Variants in LRRC7 observed in about 807,000 individuals in gnomAD.
LRRC7 encodes the protein leucine-rich repeat-containing protein 7.
A neutral mutation model predicts 175.7 loss-of-function variants in LRRC7; 23 were observed. The ratio of observed to expected loss-of-function variants is 0.13; its 90% CI spans 0.09 to 0.19. The LOEUF (loss-of-function observed/expected upper bound fraction) is 0.19, where lower values mean the gene tolerates loss of function less well. LRRC7 is among the 10% of genes least tolerant of loss of function. The pLI, the probability that LRRC7 is intolerant of heterozygous loss-of-function variation, is 1.00. For missense variants in LRRC7, 1,354 were observed against 1,904.7 expected, an observed-to-expected ratio of 0.71 and a Z score of 5.38; for synonymous variants, 685 against 680.9, an observed-to-expected ratio of 1.01 and a Z score of -0.09.
intron 1 of LRRC7, among the ~76,000 whole-genome samples, chr1:69,603,831 C>T (rs1269796748): frequency 1.3e-5 from 2 of 152,000 alleles, no homozygotes; most frequent in Non-Finnish European, 2.9e-5. Flanking sequence ...ATGTAGATGA[C>T]AAGTTAGGAA....
intron 1 of LRRC7, among the ~76,000 whole-genome samples, chr1:69,637,327 G>C (rs975099709): frequency 6.6e-6 from 1 of 151,862 alleles, no homozygotes; most frequent in Non-Finnish European, 1.5e-5. Context: ...TCCATAAAAA[G>C]TATTATTGTC....
intron 11 of LRRC7, among the ~76,000 whole-genome samples, chr1:70,004,395 A>C (rs747444663): frequency 2.0e-5 from 3 of 152,148 alleles, no homozygotes; most frequent in Admixed American, 6.6e-5. Context: ...AATTAAGTGA[A>C]ATTGATTGTA....
At chr1:69,647,651 T>C (rs1481016812) in intron 1 of LRRC7, among the ~76,000 whole-genome samples, 1 of 152,156 alleles carries the variant, frequency 6.6e-6, no homozygotes, top group Non-Finnish European at 1.5e-5. Context: ...TTTTATTTAC[T>C]TCTGGAAAAA....
intron 1 of LRRC7, among the ~76,000 whole-genome samples, chr1:69,605,205 G>T (rs1017289934): frequency 6.6e-6 from 1 of 152,240 alleles, no homozygotes; most frequent in South Asian, 2.1e-4. Context: ...AGATCTGATG[G>T]TTTTATAAAG....
rs2102248188 is a variant in LRRC7, at chr1:70,122,728, A to G, written c.*841A>G. The stretch of plus-strand genomic sequence containing the variant: ...AGCAGTGGATGATGGGTGGCAGGAA[A>G]GGTATTGCTTTATTTCTTTCAAGTT... On this transcript the variant is annotated 3_prime_UTR_variant, in exon 27 of 27. Transcript: ENST00000651989. The G allele has an allele frequency of 6.6e-6, 1 of 152,302 alleles. No individual in the cohort carries two copies. The highest frequency in any genetic ancestry group is 2.1e-4 in the South Asian group (1 of 4,824). 9.4% of individuals were successfully genotyped at this position (152,302 alleles called of 1,614,324 possible).
chr1:69,600,734 G>C (rs1481334495), intron 1 of LRRC7, among the ~76,000 whole-genome samples: 4 of 147,784 alleles, frequency 2.7e-5, no homozygotes, highest in African/African-American at 1.0e-4. Flanking sequence ...GATACTCCAG[G>C]CTTATCTTGT....
chr1:69,677,787 A>G (rs995453872), intron 1 of LRRC7, among the ~76,000 whole-genome samples: 3 of 152,092 alleles, frequency 2.0e-5, no homozygotes, highest in African/African-American at 7.2e-5. Flanking sequence ...ACAAAATACC[A>G]TAGACTCGGT....
At chr1:70,030,071 C>T (rs1192598199) in intron 18 of LRRC7, among the ~76,000 whole-genome samples, 1 of 117,768 alleles carries the variant, frequency 8.5e-6, no homozygotes, top group Non-Finnish European at 1.9e-5. Flanking sequence ...CCTGTGCATT[C>T]TCACCTAAGT....
rs185119075 is a variant in LRRC7, at chr1:70,113,729, A to G, written c.4620+5903A>G. Reference sequence around the variant, plus strand: ...AATGACATTTTTTGACATATCTTCAAAAAAAAAAAAGAGTTCATGGTCAAC... The same window carrying G: ...AATGACATTTTTTGACATATCTTCAGAAAAAAAAAAGAGTTCATGGTCAAC... On this transcript the variant is annotated intron_variant, in intron 26 of 26. Transcript: ENST00000651989. Among the ~76,000 whole-genome samples, 977 of 113,536 alleles carry G rather than the reference A, an allele frequency of 8.6e-3. 37 individuals carry two copies. The highest frequency in any genetic ancestry group is 0.074 in the Admixed American group (915 of 12,436). 74.5% of individuals were successfully genotyped at this position (113,536 alleles called of 152,430 possible). A position where few individuals can be genotyped will look rare whatever the true frequency, so the allele number is the denominator to read the frequency against.
At chr1:69,765,519 A>T (rs1266305198) in intron 3 of LRRC7, among the ~76,000 whole-genome samples, 3 of 152,136 alleles carry the variant, frequency 2.0e-5, no homozygotes, top group South Asian at 2.1e-4. Context: ...TTAGCAATGG[A>T]AAAAAATCAC....
intron 1 of LRRC7, 107 bp downstream of exon 1, chr1:69,568,748 GT>G: frequency 6.7e-6 from 5 of 743,132 alleles, no homozygotes; most frequent in South Asian, 2.5e-5. Flanking sequence ...GGGGGCGGGG[GT>G]GGCAGGGCGG....
At chr1:69,744,294 A>G (rs1222725144) in intron 2 of LRRC7, among the ~76,000 whole-genome samples, 2 of 151,880 alleles carry the variant, frequency 1.3e-5, no homozygotes, top group African/African-American at 4.8e-5. Context: ...CAATATATAT[A>G]AACTCATTTA....
intron 1 of LRRC7, among the ~76,000 whole-genome samples, chr1:69,633,809 A>G (rs563712510): frequency 1.3e-5 from 2 of 152,298 alleles, no homozygotes; most frequent in South Asian, 4.1e-4. Context: ...AGGGCCTGCC[A>G]TGGGGCTAGC....
At chr1:69,968,014 C>T (rs1191156364) in intron 8 of LRRC7, among the ~76,000 whole-genome samples, 4 of 151,690 alleles carry the variant, frequency 2.6e-5, no homozygotes, top group Admixed American at 2.6e-4. Context: ...CAGGGAGTCA[C>T]CAGAGAAAGG....
intron 7 of LRRC7, among the ~76,000 whole-genome samples, chr1:69,840,860 T>A (rs1335239526): frequency 6.6e-6 from 1 of 152,130 alleles, no homozygotes. Flanking sequence ...TTAGATTATG[T>A]GATACAGTTT....
In LRRC7 at chr1:70,143,913, T is replaced by TTGA. The variant is rs1232872556; in HGVS notation, c.*22029_*22031dup. 1 of 152,184 alleles carries TTGA rather than the reference T, an allele frequency of 6.6e-6. No individual in the cohort carries two copies. The highest frequency in any genetic ancestry group is 1.5e-5 in the Non-Finnish European group (1 of 68,024). 9.4% of individuals were successfully genotyped at this position (152,184 alleles called of 1,614,324 possible). A position where few individuals can be genotyped will look rare whatever the true frequency, so the allele number is the denominator to read the frequency against. On this transcript the variant is annotated 3_prime_UTR_variant, in exon 27 of 27. Transcript: ENST00000651989. ...AAGTACTTTTTAGTTGAACTACATA[T>TTGA]TGATGTAAATAAAACTGAATGAAGA...
Position 70,042,734 on chromosome 1 carries a change from T to C in LRRC7, c.3970-1220T>C, listed in dbSNP as rs144760008. 2.6e-5 allele frequency among the ~76,000 whole-genome samples: 4 copies of C among 152,304 alleles called. No homozygotes were observed. The East Asian group carries it at 7.7e-4, about 29-fold the overall frequency. ...CTTAAGGAATTTTCCAAGTGCTAGA[T>C]TGAGATGTTCAGTGTCTTTTTCAAT... On this transcript the variant is annotated intron_variant, in intron 21 of 26. Coordinates refer to ENST00000651989, the MANE Select transcript of LRRC7 (RefSeq NM_001370785.2).
intron 11 of LRRC7, 132 bp from the exon 12 acceptor site, chr1:70,011,665 G>A (rs962161377): frequency 3.5e-6 from 2 of 579,194 alleles, no homozygotes; most frequent in African/African-American, 3.8e-5. Context: ...CATTTGAACT[G>A]GTAAATTATA....
chr1:69,574,557 G>T (rs1042882345), intron 1 of LRRC7, among the ~76,000 whole-genome samples: 4 of 152,116 alleles, frequency 2.6e-5, no homozygotes, highest in Admixed American at 2.0e-4. Flanking sequence ...CACTAAAAAG[G>T]TAGGTAATGG....
Sources: allele counts gnomAD v4.1 joint callset (sites outside exome capture counted in the v4.1 genomes callset), GRCh38; gene constraint gnomAD v4.1.1; transcripts MANE v1.5; gene names NCBI Gene and HGNC (gene_info 2026-07-23, HGNC 2026-07-21).